LTA4H: variants seen among roughly 807,000 people sequenced by gnomAD.
LTA4H encodes leukotriene A-4 hydrolase.
LTA4H carries 59 observed loss-of-function variants against 89.8 expected under a neutral mutation model. The observed-to-expected ratio is 0.66, with a 90% CI of 0.53 to 0.82. LTA4H has a LOEUF of 0.82. LTA4H is among the 40% of genes least tolerant of loss of function. The probability of loss-of-function intolerance (pLI) is 0.00; values close to 1 mark genes in which losing one functional copy is unlikely to be tolerated. For missense variants in LTA4H, 617 were observed against 727.0 expected (o/e 0.85, Z 1.74); for synonymous variants, 227 against 253.1 (o/e 0.90, Z 0.98).
intron 1 of LTA4H, among the ~76,000 whole-genome samples, chr12:96,030,331 C>A (rs1299015635): frequency 6.6e-6 from 1 of 152,158 alleles, no homozygotes; most frequent in Non-Finnish European, 1.5e-5. Context: ...CTTACTCATG[C>A]CCACATCTTC....
rs1383201648 is a variant in LTA4H, at chr12:96,000,990, T to C, written c.1835A>G (p.Ter612=). The change falls in exon 19 of 19, where the codon TAA becomes TGA. Residue 612 remains the stop codon, a stop_retained_variant. Transcript: ENST00000228740. ...CTAAAATCATCAATACGCAGGTCTTTAATCCACTTTTAAGTCTTTCCCCAC... is the reference window on the plus strand; with the variant it reads ...CTAAAATCATCAATACGCAGGTCTTCAATCCACTTTTAAGTCTTTCCCCAC... ...MLVGKDLKVD[*] The C allele has an allele frequency of 1.3e-6, 2 of 1,599,304 alleles. No homozygotes were observed. Among genetic ancestry groups the C allele is most frequent in the African/African-American group, 2.7e-5 (2 of 74,600 alleles).
At chr12:96,029,209 T>C (rs781016033) in intron 1 of LTA4H, 24 bp from the exon 2 acceptor site, 7 of 1,355,762 alleles carry the variant, frequency 5.2e-6, no homozygotes, top group Non-Finnish European at 7.1e-6. Flanking sequence ...TTTTAAATAG[T>C]AAGAAAATAG....
chr12:96,003,304 C>G (rs2136850973), intron 17 of LTA4H, among the ~76,000 whole-genome samples: 1 of 152,250 alleles, frequency 6.6e-6, no homozygotes, highest in Non-Finnish European at 1.5e-5. Flanking sequence ...TTTTAAAGGT[C>G]TGGATCAGGT....
intron 8 of LTA4H, among the ~76,000 whole-genome samples, chr12:96,018,559 A>AC (rs912713703): frequency 4.0e-5 from 6 of 151,672 alleles, no homozygotes; most frequent in East Asian, 1.9e-4. Flanking sequence ...AAAAACAACA[A>AC]AAAAAAAATG....
intron 1 of LTA4H, among the ~76,000 whole-genome samples, chr12:96,033,132 T>C (rs1950593434): frequency 6.6e-6 from 1 of 152,206 alleles, no homozygotes; most frequent in African/African-American, 2.4e-5. Context: ...AGTTTTTATT[T>C]TACAAAACAA....
upstream of LTA4H, among the ~76,000 whole-genome samples, chr12:96,036,101 ATTGTTTT>A (rs894781606): frequency 1.1e-4 from 16 of 149,728 alleles, no homozygotes; most frequent in African/African-American, 3.7e-4. Flanking sequence ...AGGCACAGTA[ATTGTTTT>A]TTGTTTTTAG....
intron 1 of LTA4H, among the ~76,000 whole-genome samples, chr12:96,042,900 C>T (rs1950698191): frequency 6.6e-6 from 1 of 152,162 alleles, no homozygotes; most frequent in Non-Finnish European, 1.5e-5. Flanking sequence ...TCAGCTAAAT[C>T]AAACTTATTT....
intron 12 of LTA4H, among the ~76,000 whole-genome samples, chr12:96,014,606 C>A (rs73216298): frequency 1.1e-4 from 16 of 152,206 alleles, no homozygotes; most frequent in African/African-American, 3.9e-4. Context: ...TCAGGGAATA[C>A]ACACTATTAT....
At chr12:96,036,012 T>C (rs568989488), upstream of LTA4H, among the ~76,000 whole-genome samples, 6 of 152,328 alleles carry the variant, frequency 3.9e-5, no homozygotes, top group African/African-American at 9.6e-5. Context: ...AGGCTTTCTT[T>C]CGTGCGGTTC....
chr12:96,003,081 G>T lies in LTA4H; in HGVS notation c.1614-17C>A, dbSNP rs372150645. ...CGCAGCCATCTAAAAGGAGGATTTGGGGGGAGCATGGAGTAGAAAATGAGG... is the reference window on the plus strand; with the variant it reads ...CGCAGCCATCTAAAAGGAGGATTTGTGGGGAGCATGGAGTAGAAAATGAGG... On this transcript the variant is annotated splice_polypyrimidine_tract_variant and intron_variant, in intron 17 of 18. Transcript: ENST00000228740. 5 of 1,528,348 alleles carry T rather than the reference G, an allele frequency of 3.3e-6. No individual in the cohort carries two copies. Among genetic ancestry groups the T allele is most frequent in the South Asian group, 2.3e-5 (2 of 85,396 alleles). The allele number at this position is 1,528,348 out of a possible 1,614,324, so 94.7% of individuals were successfully genotyped here.
chr12:96,037,596 A>AGAGG (rs1592904777), upstream of LTA4H, among the ~76,000 whole-genome samples: 1 of 152,042 alleles, frequency 6.6e-6, no homozygotes, highest in East Asian at 1.9e-4. Flanking sequence ...AATGAAGAGA[A>AGAGG]GAGGGAGGTG....
intron 16 of LTA4H, among the ~76,000 whole-genome samples, chr12:96,005,586 C>T (rs1323668818): frequency 6.6e-6 from 1 of 152,130 alleles, no homozygotes; most frequent in Non-Finnish European, 1.5e-5. Context: ...CCAGCCCTTG[C>T]TGCTCCCTCC....
chr12:96,013,560 C>T (rs1455884911), intron 13 of LTA4H, among the ~76,000 whole-genome samples, 190 bp downstream of exon 13: 1 of 152,058 alleles, frequency 6.6e-6, no homozygotes, highest in East Asian at 1.9e-4. Flanking sequence ...GATGACTTCT[C>T]TGAAATAGGA....
At position 96,009,152 on chromosome 12, in the gene LTA4H, C is replaced by T; in HGVS notation, c.1380-4G>A. 6.3e-7 allele frequency: 1 copy of T among 1,595,200 alleles called. No homozygotes were observed. The highest frequency in any genetic ancestry group is 8.6e-7 in the Non-Finnish European group (1 of 1,164,416). ...ATTTGTCAGAGTCATATCATAACTGCAAAGATAAAGATTACATTGTTTAAA... is the reference window on the plus strand; with the variant it reads ...ATTTGTCAGAGTCATATCATAACTGTAAAGATAAAGATTACATTGTTTAAA... On this transcript the variant is annotated splice_region_variant and splice_polypyrimidine_tract_variant and intron_variant, in intron 14 of 18. Coordinates refer to ENST00000228740, the MANE Select transcript of LTA4H (RefSeq NM_000895.3).
intron 16 of LTA4H, among the ~76,000 whole-genome samples, chr12:96,004,610 G>A (rs1170408082): frequency 6.6e-6 from 1 of 152,180 alleles, no homozygotes; most frequent in Non-Finnish European, 1.5e-5. Context: ...AGAGTTTGTA[G>A]TGCCTGTGAG....
In LTA4H at chr12:96,001,177, GAAGA is replaced by G. The variant is rs541706119; in HGVS notation, c.1719-75_1719-72del. 1.9e-4 allele frequency: 178 copies of G among 938,040 alleles called. No individual in the cohort carries two copies. In the African/African-American group the frequency reaches 2.6e-3, roughly 13 times the overall value. The allele number at this position is 938,040 out of a possible 1,614,324, so 58.1% of individuals were successfully genotyped here. A position where few individuals can be genotyped will look rare whatever the true frequency, so the allele number is the denominator to read the frequency against. On this transcript the variant is annotated intron_variant, in intron 18 of 18. Coordinates refer to ENST00000228740, the MANE Select transcript of LTA4H (RefSeq NM_000895.3). ...ACAGAGGAGGAGAAAGGGAGGGAGA[GAAGA>G]AAGAAAGGAGGGAAGGGGTTCAGAG...
chr12:96,015,087 A>G lies in LTA4H; in HGVS notation c.1060-88T>C, dbSNP rs1592880533. Reference sequence around the variant, plus strand: ...CTAATAAGGAGGTATTACTTCACTCAGTGGTGTAACTTTAGGGGAATCTAA... The same window carrying G: ...CTAATAAGGAGGTATTACTTCACTCGGTGGTGTAACTTTAGGGGAATCTAA... On this transcript the variant is annotated intron_variant, in intron 11 of 18. Coordinates refer to ENST00000228740, the MANE Select transcript of LTA4H (RefSeq NM_000895.3). 5.6e-6 allele frequency: 7 copies of G among 1,250,778 alleles called. No individual in the cohort carries two copies. In the East Asian group the frequency reaches 1.4e-4, roughly 25 times the overall value. The allele number at this position is 1,250,778 out of a possible 1,614,324, so 77.5% of individuals were successfully genotyped here. A position where few individuals can be genotyped will look rare whatever the true frequency, so the allele number is the denominator to read the frequency against.
chr12:96,015,130 A>G, intron 11 of LTA4H, 131 bp from the exon 12 acceptor site: 1 of 705,654 alleles, frequency 1.4e-6, no homozygotes, highest in Non-Finnish European at 2.3e-6. Flanking sequence ...AGACTGGAAC[A>G]CTAGGATATG....
upstream of LTA4H, among the ~76,000 whole-genome samples, chr12:96,038,344 AT>A (rs1950665143): frequency 1.3e-5 from 2 of 152,320 alleles, no homozygotes; most frequent in Admixed American, 1.3e-4. Flanking sequence ...TTACACATGC[AT>A]AGGTCCTAAT....
Sources: gnomAD v4.1 joint callset for allele counts (sites outside exome capture counted in the v4.1 genomes callset) on GRCh38, gnomAD v4.1.1 for gene constraint, MANE v1.5 for transcripts, NCBI Gene and HGNC (gene_info 2026-07-23, HGNC 2026-07-21) for gene names.